ZC3H3: variants seen among roughly 807,000 people sequenced by gnomAD.
The protein encoded by ZC3H3 is zinc finger CCCH domain-containing protein 3.
In ZC3H3, 36 loss-of-function variants were observed where a neutral mutation model predicts 77.3. The observed-to-expected ratio is 0.47, with a 90% CI of 0.36 to 0.61. The LOEUF (loss-of-function observed/expected upper bound fraction) is 0.61, where lower values mean the gene tolerates loss of function less well. ZC3H3 is among the 20% of genes least tolerant of loss of function. The pLI, the probability that ZC3H3 is intolerant of heterozygous loss-of-function variation, is 0.00. For synonymous variants in ZC3H3, 626 were observed against 555.2 expected (o/e 1.13, Z -1.79); for missense variants, 1,331 against 1,312.2 (o/e 1.01, Z -0.22).
intron 3 of ZC3H3, among the ~76,000 whole-genome samples, chr8:143,525,052 A>C (rs1822368506): frequency 6.6e-6 from 1 of 152,266 alleles, no homozygotes; most frequent in Admixed American, 6.5e-5. Flanking sequence ...GTATCTAGCC[A>C]CACACCTCCC....
intron 9 of ZC3H3, among the ~76,000 whole-genome samples, chr8:143,454,900 G>A (rs1820074662): frequency 6.6e-6 from 1 of 152,052 alleles, no homozygotes; most frequent in Admixed American, 6.6e-5. Context: ...CTTGTGTCCG[G>A]GTAACCCTTA....
At chr8:143,475,660 G>A (rs936692420) in intron 4 of ZC3H3, 75 bp from the exon 5 acceptor site, 20 of 1,463,768 alleles carry the variant, frequency 1.4e-5, no homozygotes, top group Middle Eastern at 4.8e-4. Context: ...GCCAGGGGCC[G>A]AGCCCAGGCC....
chr8:143,469,969 G>C lies in ZC3H3; in HGVS notation c.1904-1310C>G, dbSNP rs541999914. On this transcript the variant is annotated intron_variant, in intron 5 of 11. Transcript: ENST00000262577. ...TGACAAAGCCATCCTGGTTTAAAAA[G>C]GGATGTCCCAAAGCCGCCCAGCCCC... Among the ~76,000 whole-genome samples, 11 of 152,320 alleles carry C rather than the reference G, an allele frequency of 7.2e-5. No individual in the cohort carries two copies. The East Asian group carries it at 1.9e-3, about 27-fold the overall frequency.
chr8:143,476,766 G>A (rs901227208), intron 4 of ZC3H3, among the ~76,000 whole-genome samples: 5 of 152,268 alleles, frequency 3.3e-5, no homozygotes, highest in Admixed American at 1.3e-4. Flanking sequence ...GCCTGGCACA[G>A]GGCTGTGCCC....
Position 143,468,218 on chromosome 8 carries a change from G to A in ZC3H3, c.2166C>T (p.Ser722=), listed in dbSNP as rs773424807. The change falls in exon 8 of 12, where the codon TCC becomes TCT. Residue 722 remains serine (S), a synonymous_variant. Transcript: ENST00000262577. ...CCAGCGCCGCACTCACCTTCTCCTT[G>A]GACACATGGTGGGAGAAGGGGCAGG... is the stretch of plus-strand genomic sequence containing the variant. The part of the protein sequence containing the change: ...DGTCPFSHHV[S]KEKMPVCSYF... 8.7e-6 allele frequency: 14 copies of A among 1,612,590 alleles called. No homozygotes were observed. In the Admixed American group the frequency reaches 2.2e-4, roughly 25 times the overall value.
intron 4 of ZC3H3, among the ~76,000 whole-genome samples, chr8:143,487,761 TA>T (rs1821090242): frequency 8.2e-5 from 1 of 12,228 alleles, no homozygotes; most frequent in Non-Finnish European, 1.5e-4. Flanking sequence ...CAGCACCCGC[TA>T]CACGGCCCCA....
chr8:143,535,963 C>G (rs148551307), intron 3 of ZC3H3, among the ~76,000 whole-genome samples: 4 of 152,234 alleles, frequency 2.6e-5, no homozygotes, highest in Non-Finnish European at 2.9e-5. Context: ...AAGGGCTCAG[C>G]AGCCGCCGCC....
chr8:143,537,423 C>T (rs1435868500), intron 2 of ZC3H3, among the ~76,000 whole-genome samples: 1 of 152,246 alleles, frequency 6.6e-6, no homozygotes, highest in Non-Finnish European at 1.5e-5. Flanking sequence ...CCTGCCCACT[C>T]AGACCAGCTG....
intron 3 of ZC3H3, among the ~76,000 whole-genome samples, chr8:143,527,025 G>C (rs58062143): frequency 2.0e-5 from 3 of 152,148 alleles, no homozygotes; most frequent in Non-Finnish European, 4.4e-5. Context: ...AGTGGGAGGA[G>C]GACCAGGCCA....
At chr8:143,532,861 G>A (rs897572870) in intron 3 of ZC3H3, among the ~76,000 whole-genome samples, 5 of 152,098 alleles carry the variant, frequency 3.3e-5, no homozygotes, top group African/African-American at 4.8e-5. Flanking sequence ...CCTCCCCTGC[G>A]GCCAGCTTGG....
rs1390306829 is a variant in ZC3H3 at position 143,536,443 on chromosome 8, C to T, written c.1375G>A (p.Asp459Asn). ...RRRSSTSLPGDKKSGTSPAAT... is the reference protein window; with the variant it reads ...RRRSSTSLPGNKKSGTSPAAT... ...GCAGGTGAGGTGCCGCTTTTCTTGT[C>T]TCCAGGAAGGCTGTGGAGACAAAAT... The change falls in exon 3 of 12, where the codon GAC becomes AAC. Residue 459 changes from aspartate (D) to asparagine (N), a missense_variant. Transcript: ENST00000262577. The T allele has an allele frequency of 1.3e-6, 2 of 1,518,266 alleles. No individual in the cohort carries two copies. Among genetic ancestry groups the T allele is most frequent in the African/African-American group, 2.8e-5 (2 of 72,074 alleles). The allele number at this position is 1,518,266 out of a possible 1,614,324, so 94.0% of individuals were successfully genotyped here.
intron 4 of ZC3H3, among the ~76,000 whole-genome samples, chr8:143,507,297 GAGT>G (rs1209194602): frequency 1.3e-5 from 2 of 152,254 alleles, no homozygotes; most frequent in Non-Finnish European, 2.9e-5. Flanking sequence ...GCAGGGCAAG[GAGT>G]AGCTCACATC....
In ZC3H3 at chr8:143,494,680, GC is replaced by G. The variant is rs1247611115; in HGVS notation, c.1715+13065del. On this transcript the variant is annotated intron_variant, in intron 4 of 11. Coordinates refer to ENST00000262577, the MANE Select transcript of ZC3H3 (RefSeq NM_015117.3). The surrounding 1 kb of genome is among the most constrained non-coding windows in gnomAD (Gnocchi z 5.3). ...GAGGGGATGGGAGCACAGGAACACA[GC>G]CCCCAGAGGGCCAGGAGCCCCCACA... 6.6e-6 allele frequency among the ~76,000 whole-genome samples: 1 copy of G among 152,160 alleles called. No individual in the cohort carries two copies. Among genetic ancestry groups the G allele is most frequent in the Non-Finnish European group, 1.5e-5 (1 of 68,024 alleles).
chr8:143,461,889 C>G (rs150875350), intron 9 of ZC3H3, among the ~76,000 whole-genome samples: 2 of 151,778 alleles, frequency 1.3e-5, no homozygotes, highest in African/African-American at 4.8e-5. Context: ...TGCAGCTGTA[C>G]CACTCTAAGT....
chr8:143,507,975 T>G, intron 3 of ZC3H3, 76 bp from the exon 4 acceptor site: 1 of 1,426,712 alleles, frequency 7.0e-7, no homozygotes. Flanking sequence ...CCACCCACAG[T>G]GCCAGCTCTG....
chr8:143,458,973 AAAAG>A (rs1820189741), intron 9 of ZC3H3, among the ~76,000 whole-genome samples: 2 of 152,324 alleles, frequency 1.3e-5, no homozygotes, highest in Admixed American at 6.5e-5. Flanking sequence ...AAAAAAAAGA[AAAAG>A]AAAGAAAGAA....
intron 3 of ZC3H3, among the ~76,000 whole-genome samples, chr8:143,526,296 C>A (rs947659423): frequency 1.3e-4 from 20 of 152,202 alleles, no homozygotes; most frequent in Non-Finnish European, 2.1e-4. Context: ...AGCCCCAGAG[C>A]TCAGCGGATG....
chr8:143,473,484 G>A (rs928686012), intron 5 of ZC3H3, among the ~76,000 whole-genome samples: 1 of 152,176 alleles, frequency 6.6e-6, no homozygotes, highest in Non-Finnish European at 1.5e-5. Context: ...GAGATGCAGG[G>A]CACCCTCCCA....
intron 3 of ZC3H3, among the ~76,000 whole-genome samples, chr8:143,514,174 G>A (rs923569468): frequency 1.3e-5 from 2 of 152,164 alleles, no homozygotes; most frequent in Non-Finnish European, 2.9e-5. Flanking sequence ...CATCAGGAGC[G>A]GCTTCCCCGA....
Sources: allele counts gnomAD v4.1 joint callset (sites outside exome capture counted in the v4.1 genomes callset), GRCh38; gene constraint gnomAD v4.1.1; non-coding constraint Gnocchi (gnomAD v3.1); transcripts MANE v1.5; gene names NCBI Gene and HGNC (gene_info 2026-07-23, HGNC 2026-07-21).